The following OCA2 variants were observed in gnomAD, a reference collection of about 807,000 sequenced individuals.
OCA2 encodes P protein.
OCA2 carries 77 observed loss-of-function variants against 100.2 expected under a neutral mutation model. The observed-to-expected ratio is 0.77, with a 90% confidence interval of 0.64 to 0.93. OCA2 has a LOEUF of 0.93. OCA2 is among the 40% of genes least tolerant of loss of function. The pLI is 0.00. For missense variants in OCA2, 1,062 were observed against 1,089.1 expected, an observed-to-expected ratio of 0.98 and a Z score of 0.35; for synonymous variants, 432 against 439.2, an observed-to-expected ratio of 0.98 and a Z score of 0.21.
At chr15:27,998,965 C>T (rs1446374669) in intron 9 of OCA2, among the ~76,000 whole-genome samples, 3 of 151,508 alleles carry the variant, frequency 2.0e-5, no homozygotes, top group African/African-American at 7.3e-5. Context: ...AACCAAACAC[C>T]GCATGTTCTC....
intron 19 of OCA2, among the ~76,000 whole-genome samples, chr15:27,893,742 C>A (rs895902544): frequency 1.3e-5 from 2 of 152,132 alleles, no homozygotes; most frequent in Admixed American, 1.3e-4. Context: ...TCTCTGCTCT[C>A]GAACCCTGTT....
chr15:27,726,300 A>AAATAAAT, the OCA2 span, among the ~76,000 whole-genome samples: 1 of 146,434 alleles, frequency 6.8e-6, no homozygotes, highest in Non-Finnish European at 1.5e-5. Flanking sequence ...TCCAGCTCAA[A>AAATAAAT]AAATAAATAA....
chr15:28,029,040 A>T (rs1402309276), intron 3 of OCA2, among the ~76,000 whole-genome samples: 1 of 152,066 alleles, frequency 6.6e-6, no homozygotes, highest in Non-Finnish European at 1.5e-5. Context: ...GTTTAGATGC[A>T]CTTGACTCTT....
intron 23 of OCA2, among the ~76,000 whole-genome samples, chr15:27,786,821 C>G (rs2032838662): frequency 6.6e-6 from 1 of 152,058 alleles, no homozygotes; most frequent in Admixed American, 6.6e-5. Flanking sequence ...TTAAACTTGC[C>G]AGAACCATGA....
At chr15:27,976,465 T>G (rs917867401) in intron 14 of OCA2, among the ~76,000 whole-genome samples, 18 of 152,298 alleles carry the variant, frequency 1.2e-4, no homozygotes, top group African/African-American at 3.8e-4. Flanking sequence ...TTATCAGTAA[T>G]AGATATCGGA....
At chr15:27,747,144 C>A in the OCA2 span, among the ~76,000 whole-genome samples, 2 of 152,188 alleles carry the variant, frequency 1.3e-5, no homozygotes, top group Non-Finnish European at 2.9e-5. Context: ...TCCAGCCCCC[C>A]ACCACCAACA....
chr15:27,979,722 CAG>C (rs1307070217), intron 14 of OCA2, among the ~76,000 whole-genome samples: 2 of 148,052 alleles, frequency 1.4e-5, no homozygotes, highest in Non-Finnish European at 3.0e-5. Flanking sequence ...TTTTTTGAGA[CAG>C]AGTCTCACTC....
At chr15:28,093,859 T>A (rs2044916920) in intron 1 of OCA2, among the ~76,000 whole-genome samples, 1 of 152,180 alleles carries the variant, frequency 6.6e-6, no homozygotes, top group South Asian at 2.1e-4. Flanking sequence ...TTACTCTGAT[T>A]CCATGACTAC....
chr15:27,786,125 C>A (rs1277285647), intron 23 of OCA2, among the ~76,000 whole-genome samples: 2 of 152,172 alleles, frequency 1.3e-5, no homozygotes, highest in African/African-American at 4.8e-5. Context: ...AAATGACTAT[C>A]CTTTTCCAAT....
At chr15:27,992,154 G>A (rs1337503499) in intron 9 of OCA2, among the ~76,000 whole-genome samples, 1 of 151,610 alleles carries the variant, frequency 6.6e-6, no homozygotes, top group Non-Finnish European at 1.5e-5. Flanking sequence ...AGGCTGGAGT[G>A]CAGTGGCACC....
At chr15:27,884,890 T>C (rs1165456238) in intron 19 of OCA2, among the ~76,000 whole-genome samples, 2 of 152,222 alleles carry the variant, frequency 1.3e-5, no homozygotes, top group South Asian at 2.1e-4. Context: ...GAATGAGTTA[T>C]TGTGTCGGTG....
intron 19 of OCA2, among the ~76,000 whole-genome samples, chr15:27,909,983 T>C (rs2038323979): frequency 1.3e-5 from 2 of 151,830 alleles, no homozygotes; most frequent in Admixed American, 6.6e-5. Flanking sequence ...AGAGCTAATA[T>C]CCCTAATAAA....
At chr15:27,835,977 T>C (rs1433369690) in intron 23 of OCA2, among the ~76,000 whole-genome samples, 1 of 152,230 alleles carries the variant, frequency 6.6e-6, no homozygotes, top group African/African-American at 2.4e-5. Flanking sequence ...CTAGAACCTC[T>C]TCTGCACCAG....
At chr15:28,022,388 T>C in intron 6 of OCA2, 113 bp downstream of exon 6, 1 of 692,890 alleles carries the variant, frequency 1.4e-6, no homozygotes, top group Non-Finnish European at 2.4e-6. Flanking sequence ...AAAATTCGAG[T>C]GGTAATGGCC....
At chr15:27,815,449 G>A (rs1207215776) in intron 23 of OCA2, among the ~76,000 whole-genome samples, 1 of 152,278 alleles carries the variant, frequency 6.6e-6, no homozygotes, top group East Asian at 1.9e-4. Flanking sequence ...GGAAAAGATG[G>A]CATAACATGT....
chr15:27,829,305 A>ATAGATAGATAGT (rs1555412983), intron 23 of OCA2, among the ~76,000 whole-genome samples: 6 of 151,944 alleles, frequency 3.9e-5, no homozygotes, highest in South Asian at 2.1e-4. Flanking sequence ...AGATAGATAG[A>ATAGATAGATAGT]TAGATAGATA....
At position 28,084,630 on chromosome 15, in the gene OCA2, G is replaced by T. The variant is rs527331149; in HGVS notation, c.-21-2735C>A. ...GGATCTCAAGGGGCCACTGGGCTGT[G>T]ATCTCATCTGGAAGCTCAACTGGGG... On this transcript the variant is annotated intron_variant, in intron 1 of 23. Coordinates refer to ENST00000354638, the MANE Select transcript of OCA2 (RefSeq NM_000275.3). Among the ~76,000 whole-genome samples the T allele has an allele frequency of 2.0e-4, 31 of 152,332 alleles. No homozygotes were observed. In the South Asian group the frequency reaches 6.4e-3, roughly 32 times the overall value.
At chr15:27,811,525 T>A (rs1374769294) in intron 23 of OCA2, among the ~76,000 whole-genome samples, 5 of 151,924 alleles carry the variant, frequency 3.3e-5, no homozygotes, top group South Asian at 4.2e-4. Flanking sequence ...TAAAAAAAAA[T>A]TAAACGAAAA....
chr15:27,888,514 G>A (rs2037321425), intron 19 of OCA2, among the ~76,000 whole-genome samples: 1 of 152,020 alleles, frequency 6.6e-6, no homozygotes, highest in South Asian at 2.1e-4. Context: ...TTTTAAAGCA[G>A]CCTTCCTAAA....
Sources: gnomAD v4.1 joint callset for allele counts (sites outside exome capture counted in the v4.1 genomes callset) on GRCh38, gnomAD v4.1.1 for gene constraint, MANE v1.5 for transcripts, NCBI Gene and HGNC (gene_info 2026-07-23, HGNC 2026-07-21) for gene names.